TENM4: variants seen among roughly 807,000 people sequenced by gnomAD.
The protein encoded by TENM4 is teneurin transmembrane protein 4, also known as teneurin-4.
Under a neutral mutation model 243.3 loss-of-function variants are expected in TENM4, and 82 were observed. That is an observed-to-expected ratio of 0.34 (90% confidence interval 0.28 to 0.40). The LOEUF (loss-of-function observed/expected upper bound fraction) is 0.40. Among genes scored for constraint, TENM4 ranks in the 10% least tolerant of loss-of-function variants. The probability of loss-of-function intolerance (pLI) is 1.00; values close to 1 mark genes in which losing one functional copy is unlikely to be tolerated. For missense variants in TENM4, 3,138 were observed against 3,673.3 expected (o/e 0.85, Z 3.77); for synonymous variants, 1,412 against 1,456.3 (o/e 0.97, Z 0.69).
rs1855622826 is a variant in TENM4 at position 78,889,837 on chromosome 11, C to T, written c.1032G>A (p.Leu344=). The stretch of plus-strand genomic sequence containing the variant: ...GAGTGGCTGAGATGACGATGGCGCT[C>T]AGGGCTGCGCACTTCCAGTTACAGT... ...SKYCNWKCAA[L]SAIVISATLV... Residue 344 remains leucine (L), a synonymous_variant, in exon 9 of 34, where the codon CTG becomes CTA. Transcript: ENST00000278550. The T allele has an allele frequency of 6.4e-7, 1 of 1,551,700 alleles. No homozygotes were observed. The highest frequency in any genetic ancestry group is 1.4e-5 in the African/African-American group (1 of 73,042).
At chr11:79,042,679 T>A (rs367981400) in intron 6 of TENM4, among the ~76,000 whole-genome samples, 1 of 152,324 alleles carries the variant, frequency 6.6e-6, no homozygotes, top group African/African-American at 2.4e-5. Context: ...GATTAAGACA[T>A]GCCCCAGTCA....
At chr11:79,216,670 G>T (rs929570206) in intron 2 of TENM4, among the ~76,000 whole-genome samples, 15 of 152,178 alleles carry the variant, frequency 9.9e-5, no homozygotes, top group African/African-American at 3.6e-4. Flanking sequence ...CCTCATGCTT[G>T]TCTCTTTCAC....
At chr11:79,112,677 T>C (rs1250888333) in intron 4 of TENM4, among the ~76,000 whole-genome samples, 1 of 152,174 alleles carries the variant, frequency 6.6e-6, no homozygotes, top group East Asian at 1.9e-4. Context: ...TACACTCAAG[T>C]AGGTTGCCCT....
At chr11:79,346,687 T>A (rs917967391) in intron 1 of TENM4, among the ~76,000 whole-genome samples, 1 of 152,176 alleles carries the variant, frequency 6.6e-6, no homozygotes, top group East Asian at 1.9e-4. Flanking sequence ...GGAGCTGGAA[T>A]TCTAAAAATC....
chr11:79,399,390 G>A (rs574751414), intron 1 of TENM4, among the ~76,000 whole-genome samples: 1 of 152,282 alleles, frequency 6.6e-6, no homozygotes, highest in East Asian at 1.9e-4. Context: ...CTGTTAGGAA[G>A]GCAGAGAAAG....
At chr11:79,183,981 T>C (rs1270323374) in intron 3 of TENM4, among the ~76,000 whole-genome samples, 1 of 152,216 alleles carries the variant, frequency 6.6e-6, no homozygotes. Context: ...AATGATCTTA[T>C]GATCCAACTA....
intron 3 of TENM4, chr11:79,192,962 A>G (rs1462238753): frequency 6.6e-6 from 1 of 152,162 alleles, no homozygotes; most frequent in Non-Finnish European, 1.5e-5. Flanking sequence ...GTGGCAGAAG[A>G]TACAGGAGTA....
chr11:79,379,705 CAGTG>C (rs1430777443), intron 1 of TENM4, among the ~76,000 whole-genome samples: 1 of 152,170 alleles, frequency 6.6e-6, no homozygotes, highest in African/African-American at 2.4e-5. Context: ...TCAGACCACA[CAGTG>C]AGTAAGTGGC....
chr11:79,325,564 C>A (rs1356098033), intron 1 of TENM4, among the ~76,000 whole-genome samples: 1 of 152,178 alleles, frequency 6.6e-6, no homozygotes, highest in Admixed American at 6.5e-5. Context: ...GCATCCTCCC[C>A]TGTCAAATGC....
At chr11:78,781,457 A>G (rs992004646) in intron 16 of TENM4, among the ~76,000 whole-genome samples, 3 of 152,212 alleles carry the variant, frequency 2.0e-5, no homozygotes, top group Admixed American at 6.5e-5. Flanking sequence ...TTTATGCTAC[A>G]GACTGAGCTT....
chr11:79,151,069 C>T (rs1018583159), intron 3 of TENM4, among the ~76,000 whole-genome samples: 8 of 152,194 alleles, frequency 5.3e-5, no homozygotes, highest in Non-Finnish European at 8.8e-5. Flanking sequence ...TCAGCCACTA[C>T]ATTAACTCAT....
intron 1 of TENM4, among the ~76,000 whole-genome samples, chr11:79,321,640 C>CAAAAA (rs60886884): frequency 9.7e-5 from 8 of 82,214 alleles, no homozygotes; most frequent in South Asian, 9.9e-4. Flanking sequence ...AGGAAATTAC[C>CAAAAA]AAAAAAAAAA....
At chr11:78,674,323 C>T (rs1226622466) in intron 30 of TENM4, among the ~76,000 whole-genome samples, 1 of 152,198 alleles carries the variant, frequency 6.6e-6, no homozygotes, top group Admixed American at 6.5e-5. Context: ...ATTCCACCTG[C>T]CACCACTGTG....
intron 3 of TENM4, among the ~76,000 whole-genome samples, chr11:79,151,398 A>C (rs749316053): frequency 1.2e-4 from 18 of 152,188 alleles, no homozygotes; most frequent in Non-Finnish European, 2.5e-4. Context: ...AAGTCTAAAC[A>C]CAAGAAGCAT....
At chr11:78,880,910 G>A (rs984389532) in intron 9 of TENM4, among the ~76,000 whole-genome samples, 13 of 152,184 alleles carry the variant, frequency 8.5e-5, no homozygotes, top group Non-Finnish European at 1.6e-4. Flanking sequence ...GAGAATGAGA[G>A]GGGGGTTGAC....
intron 4 of TENM4, among the ~76,000 whole-genome samples, chr11:79,080,306 G>C (rs1456526099): frequency 6.6e-6 from 1 of 152,220 alleles, no homozygotes; most frequent in Non-Finnish European, 1.5e-5. Flanking sequence ...TCCTCGAAGA[G>C]CCCACAGGAA....
intron 2 of TENM4, among the ~76,000 whole-genome samples, chr11:79,226,955 T>G (rs1257839645): frequency 6.6e-6 from 1 of 152,158 alleles, no homozygotes; most frequent in Non-Finnish European, 1.5e-5. Context: ...GTCTATTTGC[T>G]CCCAGATCCA....
intron 12 of TENM4, among the ~76,000 whole-genome samples, chr11:78,848,610 C>T (rs1212775353): frequency 6.6e-6 from 1 of 152,194 alleles, no homozygotes; most frequent in African/African-American, 2.4e-5. Flanking sequence ...CTAGGCAAGT[C>T]CTCACCTTCC....
chr11:78,757,985 A>T lies in TENM4; in HGVS notation c.2540-964T>A, dbSNP rs541755647. On this transcript the variant is annotated intron_variant, in intron 18 of 33. Coordinates refer to ENST00000278550, the MANE Select transcript of TENM4 (RefSeq NM_001098816.3). ...AAGTACAAAGAAAGTCCACCAGATC[A>T]CAGATTTTTGGCCTCATTATATCAA... is the stretch of plus-strand genomic sequence containing the variant. Among the ~76,000 whole-genome samples, 3 of 152,366 alleles carry T rather than the reference A, an allele frequency of 2.0e-5. No individual in the cohort carries two copies. In the East Asian group the frequency reaches 5.8e-4, roughly 29 times the overall value.
Sources: allele counts gnomAD v4.1 joint callset (sites outside exome capture counted in the v4.1 genomes callset), GRCh38; gene constraint gnomAD v4.1.1; transcripts MANE v1.5; gene names NCBI Gene and HGNC (gene_info 2026-07-23, HGNC 2026-07-21).